TTLL11: variants seen among roughly 807,000 people sequenced by gnomAD.
TTLL11 encodes the protein tubulin polyglutamylase TTLL11.
Under a neutral mutation model 51.7 loss-of-function variants are expected in TTLL11, and 42 were observed. The observed-to-expected ratio is 0.81, with a 90% CI of 0.64 to 1.05. The LOEUF (loss-of-function observed/expected upper bound fraction) is 1.05. TTLL11 is among the 50% of genes least tolerant of loss of function. The pLI is 0.00. For synonymous variants in TTLL11, 381 were observed against 383.5 expected, an observed-to-expected ratio of 0.99 and a Z score of 0.08; for missense variants, 799 against 940.4, an observed-to-expected ratio of 0.85 and a Z score of 1.97.
At chr9:122,007,133 T>C (rs566963147) in intron 3 of TTLL11, among the ~76,000 whole-genome samples, 1 of 152,002 alleles carries the variant, frequency 6.6e-6, no homozygotes, top group Non-Finnish European at 1.5e-5. Flanking sequence ...TAATTTGGAT[T>C]AAAAGTAGGG....
chr9:122,003,049 C>T (rs1843524729), intron 3 of TTLL11, among the ~76,000 whole-genome samples: 1 of 151,928 alleles, frequency 6.6e-6, no homozygotes, highest in African/African-American at 2.4e-5. Context: ...ACCTATGACC[C>T]ACAAAGACAG....
At position 121,826,583 on chromosome 9, in the gene TTLL11, G is replaced by A. The variant is rs1171156414; in HGVS notation, c.1841-3704C>T. ...TATATATATATATATATATATATAT[G>A]TATATGGTTTTATACCAGGGTTACT... On this transcript the variant is annotated intron_variant, in intron 8 of 8. Coordinates refer to ENST00000321582, the MANE Select transcript of TTLL11 (RefSeq NM_001139442.2). 1.1e-3 allele frequency among the ~76,000 whole-genome samples: 105 copies of A among 93,116 alleles called. 1 individual carries two copies. The highest frequency in any genetic ancestry group is 1.6e-3 in the African/African-American group (33 of 20,850). The allele number at this position is 93,116 out of a possible 152,430, so 61.1% of individuals were successfully genotyped here.
chr9:122,053,472 G>A (rs992650936), intron 1 of TTLL11, among the ~76,000 whole-genome samples: 4 of 152,138 alleles, frequency 2.6e-5, no homozygotes, highest in South Asian at 2.1e-4. Context: ...CACAGATCAC[G>A]GTAGGCTCAC....
chr9:121,923,339 C>T (rs987861001), intron 6 of TTLL11, among the ~76,000 whole-genome samples: 2 of 152,144 alleles, frequency 1.3e-5, no homozygotes, highest in African/African-American at 2.4e-5. Context: ...ATAGCTTGTA[C>T]GTTACAAGAA....
chr9:121,853,866 C>G lies in TTLL11; in HGVS notation c.1840+6471G>C, dbSNP rs774036234. On this transcript the variant is annotated intron_variant, in intron 8 of 8. Coordinates refer to ENST00000321582, the MANE Select transcript of TTLL11 (RefSeq NM_001139442.2). This position sits in a 1 kb window ranked among gnomAD's most constrained non-coding sequence, Gnocchi z 5.6. ...CAGGCCCTTCTTCCCATCTCTGTCCCCAGCACCTGCAGAGCAGCTGGCAGG... is the reference window on the plus strand; with the variant it reads ...CAGGCCCTTCTTCCCATCTCTGTCCGCAGCACCTGCAGAGCAGCTGGCAGG... Among the ~76,000 whole-genome samples, 6 of 152,224 alleles carry G rather than the reference C, an allele frequency of 3.9e-5. No homozygotes were observed. The highest frequency in any genetic ancestry group is 8.8e-5 in the Non-Finnish European group (6 of 68,036).
intron 7 of TTLL11, among the ~76,000 whole-genome samples, chr9:121,867,986 A>G (rs1838231411): frequency 6.6e-6 from 1 of 152,140 alleles, no homozygotes; most frequent in Admixed American, 6.5e-5. Flanking sequence ...AACAGATCTC[A>G]CAGGACCAGG....
chr9:121,919,406 A>G (rs1235304572), intron 6 of TTLL11, among the ~76,000 whole-genome samples: 1 of 152,236 alleles, frequency 6.6e-6, no homozygotes, highest in Non-Finnish European at 1.5e-5. Context: ...TAAAATGAAC[A>G]TGGAAATAGG....
intron 1 of TTLL11, among the ~76,000 whole-genome samples, chr9:122,087,698 A>G (rs1454448676): frequency 1.3e-5 from 2 of 152,130 alleles, no homozygotes; most frequent in Admixed American, 6.5e-5. Flanking sequence ...TCTACTCTCT[A>G]TGGTGTCTTT....
At chr9:121,845,780 G>C (rs906078131) in intron 8 of TTLL11, among the ~76,000 whole-genome samples, 2 of 152,088 alleles carry the variant, frequency 1.3e-5, no homozygotes, top group Non-Finnish European at 2.9e-5. Context: ...TAATTGCTAA[G>C]CTAAAAGAGG....
chr9:121,955,265 G>A (rs1358541426), intron 6 of TTLL11, among the ~76,000 whole-genome samples: 1 of 152,164 alleles, frequency 6.6e-6, no homozygotes, highest in Non-Finnish European at 1.5e-5. Context: ...AATGCATATA[G>A]TTTGTGTGGT....
intron 8 of TTLL11, among the ~76,000 whole-genome samples, chr9:121,829,482 G>A (rs989762477): frequency 1.3e-5 from 2 of 152,158 alleles, no homozygotes; most frequent in African/African-American, 4.8e-5. Context: ...GCAATTTGGC[G>A]AAAGTTTTAA....
chr9:122,093,296 G>A lies in TTLL11; in HGVS notation c.-148C>T. 6.3e-7 allele frequency: 1 copy of A among 1,575,274 alleles called. No individual in the cohort carries two copies. The highest frequency in any genetic ancestry group is 1.4e-5 in the African/African-American group (1 of 72,330). ...TGCCATGATCGCTCAGGCTCGGGTT[G>A]ACAGCGGCAGTCACCGCATCGAGAC... is the stretch of plus-strand genomic sequence containing the variant. On this transcript the variant is annotated 5_prime_UTR_variant, in exon 1 of 9. Coordinates refer to ENST00000321582, the MANE Select transcript of TTLL11 (RefSeq NM_001139442.2).
chr9:122,019,790 T>C lies in TTLL11; in HGVS notation c.693+11933A>G, dbSNP rs1447212311. Among the ~76,000 whole-genome samples, 3 of 152,202 alleles carry C rather than the reference T, an allele frequency of 2.0e-5. No homozygotes were observed. The East Asian group carries it at 5.8e-4, about 29-fold the overall frequency. On this transcript the variant is annotated intron_variant, in intron 3 of 8. Coordinates refer to ENST00000321582, the MANE Select transcript of TTLL11 (RefSeq NM_001139442.2). ...TATCTTGAATTGTAGCTCCTATAAT[T>C]CCCATGTATTGTAGGAGGGACCCAG... is the stretch of plus-strand genomic sequence containing the variant.
At chr9:121,843,621 A>G (rs1315758983) in intron 8 of TTLL11, among the ~76,000 whole-genome samples, 1 of 152,164 alleles carries the variant, frequency 6.6e-6, no homozygotes, top group Non-Finnish European at 1.5e-5. Flanking sequence ...AGCACTCTCC[A>G]TAACAAAGGC....
At position 121,860,028 on chromosome 9, in the gene TTLL11, C is replaced by T. The variant is rs551362277; in HGVS notation, c.1840+309G>A. On this transcript the variant is annotated intron_variant, in intron 8 of 8. Coordinates refer to ENST00000321582, the MANE Select transcript of TTLL11 (RefSeq NM_001139442.2). ...CAAGCACTATACCCTCCAGCCCACC[C>T]AAGGCTGGGCCCAGCATCTGCTCAG... Among the ~76,000 whole-genome samples the T allele has an allele frequency of 3.9e-5, 6 of 152,328 alleles. No homozygotes were observed. The South Asian group carries it at 6.2e-4, about 16-fold the overall frequency.
At chr9:121,987,812 A>G (rs1842976050) in intron 4 of TTLL11, among the ~76,000 whole-genome samples, 1 of 150,214 alleles carries the variant, frequency 6.7e-6, no homozygotes, top group Non-Finnish European at 1.5e-5. Context: ...TGTGATTCCC[A>G]CAGGTGTCTT....
intron 6 of TTLL11, among the ~76,000 whole-genome samples, chr9:121,880,837 G>A (rs1024448146): frequency 1.3e-5 from 2 of 152,260 alleles, no homozygotes; most frequent in African/African-American, 4.8e-5. Context: ...ACCTGAGGAC[G>A]CTGAAGCGTG....
intron 1 of TTLL11, among the ~76,000 whole-genome samples, chr9:122,065,773 G>A (rs1845568094): frequency 1.3e-5 from 2 of 152,216 alleles, no homozygotes; most frequent in South Asian, 4.1e-4. Context: ...AGATAATGGA[G>A]GGGGTGGCCT....
intron 3 of TTLL11, among the ~76,000 whole-genome samples, chr9:122,019,049 C>A (rs1230131824): frequency 6.6e-6 from 1 of 152,196 alleles, no homozygotes; most frequent in African/African-American, 2.4e-5. Flanking sequence ...AAATGGTGAC[C>A]CAGCAGACTC....
Sources: allele counts gnomAD v4.1 joint callset (sites outside exome capture counted in the v4.1 genomes callset), GRCh38; gene constraint gnomAD v4.1.1; non-coding constraint Gnocchi (gnomAD v3.1); transcripts MANE v1.5; gene names NCBI Gene and HGNC (gene_info 2026-07-23, HGNC 2026-07-21).